The following NEK11 variants were observed in gnomAD, a reference collection of about 807,000 sequenced individuals.
The protein encoded by NEK11 is NIMA related kinase 11.
In NEK11, 72 loss-of-function variants were observed where a neutral mutation model predicts 80.7. The observed-to-expected ratio is 0.89, with a 90% CI of 0.74 to 1.08. The LOEUF (loss-of-function observed/expected upper bound fraction) is 1.08, where lower values mean the gene tolerates loss of function less well. NEK11 is among the 50% of genes least tolerant of loss of function. The pLI is 0.00. For missense variants in NEK11, 764 were observed against 763.6 expected (o/e 1.00, Z -0.01); for synonymous variants, 251 against 260.7 (o/e 0.96, Z 0.36).
chr3:131,316,524 T>TTGA (rs1235023431), intron 17 of NEK11, among the ~76,000 whole-genome samples: 1 of 152,232 alleles, frequency 6.6e-6, no homozygotes. Flanking sequence ...TGTTGTCCTT[T>TTGA]TGATTATATT....
At chr3:131,052,134 G>GTTTTTTTTTTTTTTTT (rs34528776) in intron 3 of NEK11, among the ~76,000 whole-genome samples, 1 of 127,224 alleles carries the variant, frequency 7.9e-6, no homozygotes, top group Non-Finnish European at 1.7e-5. Context: ...GGTTTTTTTT[G>GTTTTTTTTTTTTTTTT]TTTTTTTTTT....
At chr3:131,164,189 T>A (rs1430916100) in intron 11 of NEK11, among the ~76,000 whole-genome samples, 6 of 152,356 alleles carry the variant, frequency 3.9e-5, no homozygotes, top group African/African-American at 1.4e-4. Context: ...AGCAGTGGTG[T>A]GCTGGTAAAT....
chr3:131,179,188 T>G (rs1298566457), intron 14 of NEK11, among the ~76,000 whole-genome samples: 1 of 152,236 alleles, frequency 6.6e-6, no homozygotes, highest in Non-Finnish European at 1.5e-5. Context: ...TACGCCATGT[T>G]GGCAGCAGGG....
intron 17 of NEK11, chr3:131,329,811 G>C (rs1470976775): frequency 6.6e-6 from 1 of 152,470 alleles, no homozygotes; most frequent in Non-Finnish European, 1.5e-5. Flanking sequence ...TCAAAGAAGA[G>C]CAAGGAGCCA....
chr3:131,039,137 T>G (rs1373223365), intron 3 of NEK11, among the ~76,000 whole-genome samples: 2 of 152,176 alleles, frequency 1.3e-5, no homozygotes, highest in East Asian at 1.9e-4. Context: ...GTGCAAAAAA[T>G]GCAAGAGCAA....
chr3:131,044,358 C>T lies in NEK11; in HGVS notation c.170+14480C>T, dbSNP rs375868342. Among the ~76,000 whole-genome samples the T allele has an allele frequency of 3.0e-5, 4 of 132,760 alleles. No homozygotes were observed. The South Asian group carries it at 7.2e-4, about 24-fold the overall frequency. The allele number at this position is 132,760 out of a possible 152,430, so 87.1% of individuals were successfully genotyped here. A position where few individuals can be genotyped will look rare whatever the true frequency, so the allele number is the denominator to read the frequency against. The stretch of plus-strand genomic sequence containing the variant: ...TGCTGTATTCAGGAGACCCATCTCA[C>T]GTGCAAAGACAAACATAGGCTCAAA... On this transcript the variant is annotated intron_variant, in intron 3 of 17. Transcript: ENST00000383366.
intron 7 of NEK11, among the ~76,000 whole-genome samples, chr3:131,137,542 T>C (rs1207667489): frequency 4.6e-5 from 7 of 152,156 alleles, no homozygotes; most frequent in Non-Finnish European, 1.0e-4. Flanking sequence ...AGAAGAAAGC[T>C]ATTGACCAGG....
intron 3 of NEK11, among the ~76,000 whole-genome samples, chr3:131,061,342 C>T (rs974830303): frequency 2.6e-5 from 4 of 152,138 alleles, no homozygotes; most frequent in African/African-American, 9.7e-5. Context: ...TTTAGCTGGC[C>T]CATCTGCCAC....
chr3:131,170,455 A>G (rs2092610679), intron 13 of NEK11, among the ~76,000 whole-genome samples: 1 of 152,182 alleles, frequency 6.6e-6, no homozygotes, highest in Admixed American at 6.5e-5. Context: ...TAGGTGCCAA[A>G]TTGAAGAAGG....
chr3:131,344,287 G>A (rs772441636), intron 17 of NEK11, among the ~76,000 whole-genome samples: 2 of 152,166 alleles, frequency 1.3e-5, no homozygotes, highest in Non-Finnish European at 2.9e-5. Flanking sequence ...TCTTTGGTAA[G>A]GCATAACACC....
chr3:131,201,002 T>A (rs2094205297), intron 14 of NEK11, among the ~76,000 whole-genome samples: 1 of 152,136 alleles, frequency 6.6e-6, no homozygotes, highest in Non-Finnish European at 1.5e-5. Flanking sequence ...TATAGCATAT[T>A]CATACAATGG....
chr3:131,281,171 T>A (rs2096390162), intron 17 of NEK11, among the ~76,000 whole-genome samples: 1 of 152,230 alleles, frequency 6.6e-6, no homozygotes, highest in Non-Finnish European at 1.5e-5. Flanking sequence ...AATACTTTTG[T>A]TAATTATGTA....
chr3:131,148,198 CTG>C (rs2088792297), intron 7 of NEK11, among the ~76,000 whole-genome samples: 1 of 151,740 alleles, frequency 6.6e-6, no homozygotes, highest in South Asian at 2.1e-4. Flanking sequence ...TAAGTCAACT[CTG>C]TATTTCTGAA....
At chr3:131,053,489 A>G (rs1315568015) in intron 3 of NEK11, 1 of 152,218 alleles carries the variant, frequency 6.6e-6, no homozygotes, top group Non-Finnish European at 1.5e-5. Flanking sequence ...CTTGCCATCC[A>G]TGTATTAGAT....
chr3:131,155,798 C>G (rs1198982063), intron 10 of NEK11, among the ~76,000 whole-genome samples: 1 of 152,152 alleles, frequency 6.6e-6, no homozygotes, highest in African/African-American at 2.4e-5. Context: ...ATAGGCTGAT[C>G]TAGCACAAAT....
chr3:131,308,118 A>C (rs2109339938), intron 17 of NEK11, among the ~76,000 whole-genome samples: 1 of 152,316 alleles, frequency 6.6e-6, no homozygotes, highest in South Asian at 2.1e-4. Flanking sequence ...GCATTAATTA[A>C]CTGTGTTTTG....
intron 17 of NEK11, among the ~76,000 whole-genome samples, chr3:131,285,289 T>C (rs944470146): frequency 6.6e-6 from 1 of 150,938 alleles, no homozygotes; most frequent in Admixed American, 6.6e-5. Flanking sequence ...CAGGAGTGGG[T>C]AGAGAGAGAA....
At chr3:131,133,125 T>C in intron 6 of NEK11, 1 of 373,488 alleles carries the variant, frequency 2.7e-6, no homozygotes, top group Non-Finnish European at 5.0e-6. Context: ...TTACAAGTTA[T>C]TAGAATCATT....
At chr3:131,331,896 G>A (rs966828387) in intron 17 of NEK11, among the ~76,000 whole-genome samples, 2 of 152,234 alleles carry the variant, frequency 1.3e-5, no homozygotes, top group African/African-American at 2.4e-5. Context: ...CTGCAAGGCG[G>A]CAGCGAGGCT....
Sources: gnomAD v4.1 joint callset for allele counts (sites outside exome capture counted in the v4.1 genomes callset) on GRCh38, gnomAD v4.1.1 for gene constraint, MANE v1.5 for transcripts, NCBI Gene and HGNC (gene_info 2026-07-23, HGNC 2026-07-21) for gene names.